FOXN2: variants seen among roughly 807,000 people sequenced by gnomAD.
The protein encoded by FOXN2 is forkhead box N2.
Under a neutral mutation model 41.2 loss-of-function variants are expected in FOXN2, and 19 were observed. That is an observed-to-expected ratio of 0.46 (90% confidence interval 0.32 to 0.68). FOXN2 has a LOEUF of 0.68. FOXN2 is among the 30% of genes least tolerant of loss of function. The pLI, the probability that FOXN2 is intolerant of heterozygous loss-of-function variation, is 0.03. For synonymous variants in FOXN2, 195 were observed against 176.8 expected (o/e 1.10, Z -0.82); for missense variants, 587 against 509.4 (o/e 1.15, Z -1.47).
At chr2:48,324,492 A>C (rs1187600802) in intron 1 of FOXN2, among the ~76,000 whole-genome samples, 2 of 152,120 alleles carry the variant, frequency 1.3e-5, no homozygotes, top group Non-Finnish European at 2.9e-5. Context: ...TGAATATCAT[A>C]TTTCATCCTT....
At chr2:48,331,122 T>C (rs948790201) in intron 2 of FOXN2, among the ~76,000 whole-genome samples, 3 of 152,170 alleles carry the variant, frequency 2.0e-5, no homozygotes, top group African/African-American at 7.2e-5. Flanking sequence ...TAAGGAAAGA[T>C]ATTCAGTGAC....
intron 2 of FOXN2, among the ~76,000 whole-genome samples, chr2:48,336,718 A>G (rs563225771): frequency 2.0e-5 from 3 of 152,268 alleles, no homozygotes; most frequent in South Asian, 4.1e-4. Flanking sequence ...TTTAAAAACA[A>G]TATTCATGTA....
chr2:48,378,404 C>T lies in FOXN2; in HGVS notation c.*2961C>T, dbSNP rs1170445589. On this transcript the variant is annotated 3_prime_UTR_variant, in exon 7 of 7. Coordinates refer to ENST00000340553, the MANE Select transcript of FOXN2 (RefSeq NM_002158.4). ...TATATATATTTTTTTCTTTTTGCTA[C>T]TTTCTGAGGCATTATGTAAAGGGCT... The T allele has an allele frequency of 6.6e-6, 1 of 150,650 alleles. No homozygotes were observed. The highest frequency in any genetic ancestry group is 2.5e-5 in the African/African-American group (1 of 40,812). The allele number at this position is 150,650 out of a possible 1,614,324, so 9.3% of individuals were successfully genotyped here.
rs369850369 is a variant in FOXN2 at position 48,346,226 on chromosome 2, A to G, written c.12A>G (p.Val4=). 6.2e-7 allele frequency: 1 copy of G among 1,606,490 alleles called. No homozygotes were observed. Among genetic ancestry groups the G allele is most frequent in the East Asian group, 2.2e-5 (1 of 44,810 alleles). The change falls in exon 3 of 7, where the codon GTA becomes GTG. Residue 4 remains valine, a synonymous_variant. Coordinates refer to ENST00000340553, the MANE Select transcript of FOXN2 (RefSeq NM_002158.4). ...AACTGTAAGAGTAAATGGGTCCAGT[A>G]ATTGGAATGACTCCAGATAAGAGAG... is the stretch of plus-strand genomic sequence containing the variant. MGP[V]IGMTPDKRAE...
intron 3 of FOXN2, among the ~76,000 whole-genome samples, chr2:48,355,203 T>C (rs1374170246): frequency 6.6e-6 from 1 of 152,214 alleles, no homozygotes; most frequent in African/African-American, 2.4e-5. Context: ...TGGTCACATC[T>C]ATAATTTTTA....
At chr2:48,313,965 G>C (rs1311223971), upstream of FOXN2, among the ~76,000 whole-genome samples, 2 of 152,316 alleles carry the variant, frequency 1.3e-5, no homozygotes, top group Admixed American at 6.5e-5. Flanking sequence ...TGGATGTGAA[G>C]TCCTTAGCTT....
At chr2:48,327,230 G>GA (rs1236821375) in intron 1 of FOXN2, among the ~76,000 whole-genome samples, 57 of 150,848 alleles carry the variant, frequency 3.8e-4, no homozygotes, top group African/African-American at 1.1e-3. Flanking sequence ...TCTCCAAAAA[G>GA]AAAAAAAACA....
At chr2:48,314,278 C>T (rs114105016), upstream of FOXN2, among the ~76,000 whole-genome samples, 163 of 152,374 alleles carry the variant, frequency 1.1e-3, no homozygotes, top group African/African-American at 3.8e-3. Context: ...GACCACTCAG[C>T]GGCCGCGCCG....
intron 4 of FOXN2, among the ~76,000 whole-genome samples, chr2:48,360,757 T>C (rs144600252): frequency 6.6e-6 from 1 of 152,070 alleles, no homozygotes; most frequent in East Asian, 1.9e-4. Context: ...GTTCTACTGA[T>C]GTTCACCTAT....
At chr2:48,362,921 C>T (rs1194395868) in intron 5 of FOXN2, among the ~76,000 whole-genome samples, 1 of 152,144 alleles carries the variant, frequency 6.6e-6, no homozygotes, top group Admixed American at 6.5e-5. Flanking sequence ...ACTGCTAGTC[C>T]TGTAAAAGTA....
At chr2:48,333,180 T>G (rs997052334) in intron 2 of FOXN2, among the ~76,000 whole-genome samples, 5 of 152,130 alleles carry the variant, frequency 3.3e-5, no homozygotes, top group African/African-American at 1.2e-4. Flanking sequence ...GAGCCATGCA[T>G]GTAGTAGAAG....
intron 2 of FOXN2, among the ~76,000 whole-genome samples, chr2:48,336,625 C>G (rs1488161661): frequency 4.0e-5 from 6 of 150,386 alleles, no homozygotes; most frequent in Admixed American, 4.0e-4. Flanking sequence ...CCAAAGAAGG[C>G]AAAAAAAGAA....
chr2:48,326,398 C>T (rs2104163461), intron 1 of FOXN2, among the ~76,000 whole-genome samples: 1 of 152,254 alleles, frequency 6.6e-6, no homozygotes, highest in Non-Finnish European at 1.5e-5. Context: ...GGATTTTGAC[C>T]TAAGGGTCCC....
At chr2:48,338,822 T>C (rs918153627) in intron 2 of FOXN2, among the ~76,000 whole-genome samples, 1 of 152,112 alleles carries the variant, frequency 6.6e-6, no homozygotes, top group African/African-American at 2.4e-5. Context: ...GCAAAAATTA[T>C]AAAACAAACT....
At position 48,378,250 on chromosome 2, in the gene FOXN2, A is replaced by G. The variant is rs1412134336; in HGVS notation, c.*2807A>G. On this transcript the variant is annotated 3_prime_UTR_variant, in exon 7 of 7. Coordinates refer to ENST00000340553, the MANE Select transcript of FOXN2 (RefSeq NM_002158.4). ...TTTACTTTTCCAAATTCAGAGAAAG[A>G]AAACAGATTACCTGAATTCATGGAA... The G allele has an allele frequency of 1.3e-5, 2 of 152,362 alleles. No homozygotes were observed. Among genetic ancestry groups the G allele is most frequent in the Admixed American group, 1.3e-4 (2 of 15,242 alleles). The allele number at this position is 152,362 out of a possible 1,614,324, so 9.4% of individuals were successfully genotyped here.
In FOXN2 at chr2:48,378,994, T is replaced by G. The variant is rs1360715395; in HGVS notation, c.*3551T>G. 1 of 152,622 alleles carries G rather than the reference T, an allele frequency of 6.6e-6. No individual in the cohort carries two copies. Among genetic ancestry groups the G allele is most frequent in the Non-Finnish European group, 1.5e-5 (1 of 68,006 alleles). 9.5% of individuals were successfully genotyped at this position (152,622 alleles called of 1,614,324 possible). A position where few individuals can be genotyped will look rare whatever the true frequency, so the allele number is the denominator to read the frequency against. ...ATTGATTGTAACTATTATTTATTTTTAAATGAAAGTGTAAGAATGCTTTCT... is the reference window on the plus strand; with the variant it reads ...ATTGATTGTAACTATTATTTATTTTGAAATGAAAGTGTAAGAATGCTTTCT... On this transcript the variant is annotated 3_prime_UTR_variant, in exon 7 of 7. Transcript: ENST00000340553.
intron 4 of FOXN2, 136 bp from the exon 5 acceptor site, chr2:48,362,507 T>G (rs941104751): frequency 3.1e-5 from 21 of 686,982 alleles, no homozygotes; most frequent in Non-Finnish European, 4.9e-5. Flanking sequence ...AAGTCAAGGC[T>G]GCAGTAGGCT....
At chr2:48,368,617 G>A (rs1035328841) in intron 5 of FOXN2, among the ~76,000 whole-genome samples, 1 of 152,164 alleles carries the variant, frequency 6.6e-6, no homozygotes, top group African/African-American at 2.4e-5. Flanking sequence ...ACTTGAACCT[G>A]GGAGGTGAAG....
intron 3 of FOXN2, among the ~76,000 whole-genome samples, chr2:48,352,331 C>A (rs1227956748): frequency 1.3e-5 from 2 of 152,176 alleles, no homozygotes; most frequent in African/African-American, 2.4e-5. Context: ...TCTTACTCAA[C>A]CTAAAACTGC....
Sources: gnomAD v4.1 joint callset for allele counts (sites outside exome capture counted in the v4.1 genomes callset) on GRCh38, gnomAD v4.1.1 for gene constraint, MANE v1.5 for transcripts, NCBI Gene and HGNC (gene_info 2026-07-23, HGNC 2026-07-21) for gene names.